SEC61A2: variants seen among roughly 807,000 people sequenced by gnomAD.
SEC61A2 encodes SEC61 translocon subunit alpha 2, also known as protein transport protein Sec61 subunit alpha isoform 2.
In SEC61A2, 28 loss-of-function variants were observed where a neutral mutation model predicts 59.9. That is an observed-to-expected ratio of 0.47 (90% CI 0.35 to 0.64). SEC61A2 has a LOEUF of 0.64. Ranked by LOEUF, SEC61A2 falls within the 30% of genes least tolerant of loss-of-function variation. The pLI, the probability that SEC61A2 is intolerant of heterozygous loss-of-function variation, is 0.01. For synonymous variants in SEC61A2, 202 were observed against 214.4 expected, an observed-to-expected ratio of 0.94 and a Z score of 0.50; for missense variants, 340 against 585.9, an observed-to-expected ratio of 0.58 and a Z score of 4.33.
downstream of SEC61A2, among the ~76,000 whole-genome samples, chr10:12,168,856 G>A (rs1176920035): frequency 2.0e-5 from 3 of 151,946 alleles, no homozygotes; most frequent in African/African-American, 7.3e-5. The surrounding 1 kb of genome is among the most constrained non-coding windows in gnomAD (Gnocchi z 4.8). Flanking sequence ...TGCGCCTCCC[G>A]GGTTCAAGCG....
intron 2 of SEC61A2, among the ~76,000 whole-genome samples, chr10:12,134,859 C>T (rs901562809): frequency 9.9e-5 from 15 of 150,860 alleles, no homozygotes; most frequent in East Asian, 9.7e-4. Context: ...GTAGAGGTTG[C>T]AGTGAGCCGA....
At chr10:12,169,346 A>G, downstream of SEC61A2, 2 of 1,517,562 alleles carry the variant, frequency 1.3e-6, no homozygotes, top group East Asian at 2.4e-5. This position sits in a 1 kb window ranked among gnomAD's most constrained non-coding sequence, Gnocchi z 4.8. Flanking sequence ...CCCGCACGGC[A>G]TTTCACACTT....
chr10:12,150,691 C>G (rs1247405260), intron 6 of SEC61A2, among the ~76,000 whole-genome samples: 1 of 151,880 alleles, frequency 6.6e-6, no homozygotes, highest in Non-Finnish European at 1.5e-5. Flanking sequence ...TTTATACACA[C>G]ATAAATATAT....
At chr10:12,151,919 A>G (rs1289274866) in intron 6 of SEC61A2, among the ~76,000 whole-genome samples, 1 of 151,964 alleles carries the variant, frequency 6.6e-6, no homozygotes, top group African/African-American at 2.4e-5. Flanking sequence ...ATTACAGAGC[A>G]TTCTGTTTTT....
At chr10:12,136,267 A>T (rs1385496813) in intron 3 of SEC61A2, 97 bp downstream of exon 3, 1 of 749,652 alleles carries the variant, frequency 1.3e-6, no homozygotes, top group Admixed American at 2.2e-5. Context: ...TAAAGAATAC[A>T]TTGAGCTCAA....
At chr10:12,134,390 C>G (rs1445895808) in intron 2 of SEC61A2, among the ~76,000 whole-genome samples, 1 of 152,162 alleles carries the variant, frequency 6.6e-6, no homozygotes, top group Non-Finnish European at 1.5e-5. Context: ...GCTTTGCAGT[C>G]TATAAAATAT....
In SEC61A2 at chr10:12,133,724, T is replaced by G. The variant is rs564459844; in HGVS notation, c.75+416T>G. On this transcript the variant is annotated intron_variant, in intron 2 of 11. Coordinates refer to ENST00000298428, the MANE Select transcript of SEC61A2 (RefSeq NM_018144.4). ...AGTACAGCTGTTTTATGTAAATGAATTGCATTTGCACAAATATATACCTCC... is the reference window on the plus strand; with the variant it reads ...AGTACAGCTGTTTTATGTAAATGAAGTGCATTTGCACAAATATATACCTCC... Among the ~76,000 whole-genome samples the G allele has an allele frequency of 5.3e-5, 8 of 152,378 alleles. No homozygotes were observed. The East Asian group carries it at 1.2e-3, about 22-fold the overall frequency.
chr10:12,139,387 C>T (rs965831287), intron 3 of SEC61A2, among the ~76,000 whole-genome samples: 3 of 151,784 alleles, frequency 2.0e-5, no homozygotes, highest in Admixed American at 6.6e-5. Flanking sequence ...CAGTGGCTCA[C>T]GCCTGTAATC....
chr10:12,158,076 T>G lies in SEC61A2; in HGVS notation c.946T>G (p.Phe316Val). Residue 316 changes from phenylalanine (F) to valine (V), a missense_variant, in exon 9 of 12, where the codon TTT becomes GTT. By Grantham distance (50) the Phe-to-Val change is conservative (BLOSUM62 -1). Transcript: ENST00000298428. The surrounding 1 kb of genome is among the most constrained non-coding windows in gnomAD (Gnocchi z 5.7). ...QMLSVRFSGN[F>V]LVNLLGQWAD... ...GCTGTCTGTTCGATTTAGTGGCAAC[T>G]TTTTAGTAAATTTACTAGGACAGTG... 1.2e-6 allele frequency: 2 copies of G among 1,614,072 alleles called. No homozygotes were observed. The highest frequency in any genetic ancestry group is 3.3e-5 in the Admixed American group (2 of 60,026).
At chr10:12,134,790 C>T (rs980366835) in intron 2 of SEC61A2, among the ~76,000 whole-genome samples, 5 of 151,874 alleles carry the variant, frequency 3.3e-5, no homozygotes, top group East Asian at 1.9e-4. Flanking sequence ...TGGTGGCGTG[C>T]GCCTGTAGTC....
rs1834373948 is a variant in SEC61A2, at chr10:12,155,421, T to C, written c.463-357T>C. The C allele has an allele frequency of 1.5e-6, 2 of 1,373,852 alleles. No homozygotes were observed. The highest frequency in any genetic ancestry group is 2.0e-6 in the Non-Finnish European group (2 of 1,016,324). 85.1% of individuals were successfully genotyped at this position (1,373,852 alleles called of 1,614,324 possible). On this transcript the variant is annotated intron_variant, in intron 6 of 11. Transcript: ENST00000298428. This position sits in a 1 kb window ranked among gnomAD's most constrained non-coding sequence, Gnocchi z 4.3. Reference sequence around the variant, plus strand: ...TTCCTTGGAGGTATTTGGGATGTTTTCAGTTTCTTGCTGTCATAAATTCTA... The same window carrying C: ...TTCCTTGGAGGTATTTGGGATGTTTCCAGTTTCTTGCTGTCATAAATTCTA...
rs910520871 is a variant in SEC61A2, at chr10:12,153,505, G to T, written c.463-2273G>T. On this transcript the variant is annotated intron_variant, in intron 6 of 11. Coordinates refer to ENST00000298428, the MANE Select transcript of SEC61A2 (RefSeq NM_018144.4). The surrounding 1 kb of genome is among the most constrained non-coding windows in gnomAD (Gnocchi z 5.2). ...CTTCTTACAGAGTCAGTTATGGATT[G>T]AAATTGATATAAAATAGAGTTAAGC... 2.0e-5 allele frequency among the ~76,000 whole-genome samples: 3 copies of T among 152,140 alleles called. No homozygotes were observed. The highest frequency in any genetic ancestry group is 7.2e-5 in the African/African-American group (3 of 41,428).
At chr10:12,134,708 G>T (rs1393487015) in intron 2 of SEC61A2, among the ~76,000 whole-genome samples, 1 of 151,978 alleles carries the variant, frequency 6.6e-6, no homozygotes, top group Non-Finnish European at 1.5e-5. Flanking sequence ...AGGTGCTCAA[G>T]AGATGGGGAC....
chr10:12,138,761 C>A (rs111411500), intron 3 of SEC61A2, among the ~76,000 whole-genome samples: 1 of 152,158 alleles, frequency 6.6e-6, no homozygotes, highest in Non-Finnish European at 1.5e-5. Context: ...TTCATTCATT[C>A]GCTTGTTAGA....
chr10:12,133,472 C>T (rs570517141), intron 2 of SEC61A2, among the ~76,000 whole-genome samples, 164 bp downstream of exon 2: 1 of 152,314 alleles, frequency 6.6e-6, no homozygotes, highest in Admixed American at 6.5e-5. Flanking sequence ...TAATATAAAT[C>T]TGTTTAAATC....
At chr10:12,144,432 A>G (rs1478424342) in intron 4 of SEC61A2, among the ~76,000 whole-genome samples, 1 of 152,224 alleles carries the variant, frequency 6.6e-6, no homozygotes. Context: ...ATTAATGGCC[A>G]TGTTATTATT....
Position 12,160,887 on chromosome 10 carries a change from C to G in SEC61A2, c.976-43C>G, listed in dbSNP as rs116038134. 784 of 1,518,746 alleles carry G rather than the reference C, an allele frequency of 5.2e-4. 5 individuals are homozygous for G. In the African/African-American group the frequency reaches 9.8e-3, roughly 19 times the overall value. The allele number at this position is 1,518,746 out of a possible 1,614,324, so 94.1% of individuals were successfully genotyped here. ...AAGTGACATGCAAATGTATTCCTGA[C>G]TAATTAGGTTGACCACTTGTTCTTT... is the stretch of plus-strand genomic sequence containing the variant. On this transcript the variant is annotated intron_variant, in intron 9 of 11. Coordinates refer to ENST00000298428, the MANE Select transcript of SEC61A2 (RefSeq NM_018144.4). This position sits in a 1 kb window ranked among gnomAD's most constrained non-coding sequence, Gnocchi z 4.1.
chr10:12,134,986 A>G (rs1273492717), intron 2 of SEC61A2, among the ~76,000 whole-genome samples: 3 of 152,184 alleles, frequency 2.0e-5, no homozygotes, highest in Admixed American at 6.5e-5. Flanking sequence ...AAGAGTGAAT[A>G]ATAGGATGTC....
In SEC61A2 at chr10:12,129,927, G is replaced by A. The variant is rs2131638319; in HGVS notation, c.7+133G>A. The A allele has an allele frequency of 2.4e-6, 2 of 836,118 alleles. No homozygotes were observed. Among genetic ancestry groups the A allele is most frequent in the East Asian group, 7.0e-5 (2 of 28,668 alleles). The allele number at this position is 836,118 out of a possible 1,614,324, so 51.8% of individuals were successfully genotyped here. On this transcript the variant is annotated intron_variant, in intron 1 of 11. Transcript: ENST00000298428. This position sits in a 1 kb window ranked among gnomAD's most constrained non-coding sequence, Gnocchi z 5.6. The stretch of plus-strand genomic sequence containing the variant: ...GCGGGCCGCTCCGGGCCTCAGCGGA[G>A]GGCACGGGCCGGGGGCCTCCGCCGA...
Sources: allele counts gnomAD v4.1 joint callset (sites outside exome capture counted in the v4.1 genomes callset), GRCh38; gene constraint gnomAD v4.1.1; non-coding constraint Gnocchi (gnomAD v3.1); transcripts MANE v1.5; gene names NCBI Gene and HGNC (gene_info 2026-07-23, HGNC 2026-07-21).